Variants in ZNF37A observed in about 807,000 individuals in gnomAD.
ZNF37A encodes the protein zinc finger protein 37a (KOX 21).
ZNF37A carries 10 observed loss-of-function variants against 12.3 expected under a neutral mutation model. The observed-to-expected ratio is 0.82, with a 90% CI of 0.50 to 1.38. ZNF37A has a LOEUF of 1.38. ZNF37A is among the 40% of genes most tolerant of loss of function. ZNF37A has a pLI of 0.00. For missense variants in ZNF37A, 580 were observed against 651.2 expected (o/e 0.89, Z 1.19); for synonymous variants, 207 against 223.0 (o/e 0.93, Z 0.64).
chr10:38,105,007 CT>C (rs386371223), intron 5 of ZNF37A, among the ~76,000 whole-genome samples: 3,983 of 139,474 alleles, frequency 0.029, 87 homozygotes, highest in African/African-American at 0.075. Context: ...AATATTTTTT[CT>C]TTTTTTTTTT....
intron 5 of ZNF37A, among the ~76,000 whole-genome samples, chr10:38,109,934 T>G (rs2068489402): frequency 6.6e-6 from 1 of 152,156 alleles, no homozygotes; most frequent in Non-Finnish European, 1.5e-5. Flanking sequence ...AATTTATAGA[T>G]TCAAGCTATC....
intron 7 of ZNF37A, among the ~76,000 whole-genome samples, chr10:38,131,442 G>A (rs12247832): frequency 0.029 from 4,376 of 152,162 alleles, 121 homozygotes; most frequent in African/African-American, 0.077. Flanking sequence ...GTTTTTTGAA[G>A]ACTATCATTT....
In ZNF37A at chr10:38,102,081, C is replaced by T. The variant is rs550162686; in HGVS notation, c.15+5449C>T. On this transcript the variant is annotated intron_variant, in intron 5 of 7. Coordinates refer to ENST00000685332, the MANE Select transcript of ZNF37A (RefSeq NM_001324250.3). The stretch of plus-strand genomic sequence containing the variant: ...CAAACTCCTGACCTCGTGATCTGCC[C>T]GCCTTGGCCTCCCAAAGTGCTGGGA... 1.6e-4 allele frequency among the ~76,000 whole-genome samples: 25 copies of T among 152,050 alleles called. No individual in the cohort carries two copies. The East Asian group carries it at 2.9e-3, about 18-fold the overall frequency.
intron 5 of ZNF37A, among the ~76,000 whole-genome samples, chr10:38,107,455 C>G (rs1174144549): frequency 1.3e-5 from 2 of 152,082 alleles, no homozygotes; most frequent in African/African-American, 4.8e-5. Flanking sequence ...AACTAATGGG[C>G]AAAATAACCA....
At chr10:38,127,573 A>T (rs1418511513), downstream of ZNF37A, among the ~76,000 whole-genome samples, 3 of 152,284 alleles carry the variant, frequency 2.0e-5, no homozygotes, top group Non-Finnish European at 4.4e-5. Flanking sequence ...TATGATGAGT[A>T]GTTGCAAGGG....
downstream of ZNF37A, among the ~76,000 whole-genome samples, chr10:38,129,319 A>AAAAAAAAAAACAACAAC: frequency 5.2e-5 from 6 of 116,228 alleles, no homozygotes; most frequent in East Asian, 7.9e-4. Flanking sequence ...AAAAAAAAAA[A>AAAAAAAAAAACAACAAC]AAACTATTAT....
Position 38,114,792 on chromosome 10 carries a change from C to T in ZNF37A, c.53C>T (p.Thr18Ile), listed in dbSNP as rs1220120735. The T allele has an allele frequency of 6.2e-7, 1 of 1,613,942 alleles. No individual in the cohort carries two copies. The highest frequency in any genetic ancestry group is 2.2e-5 in the East Asian group (1 of 44,848). Residue 18 changes from threonine (T) to isoleucine (I), a missense_variant, in exon 6 of 8, where the codon ACT becomes ATT. Transcript: ENST00000685332. The part of the protein sequence containing the change: ...VSFRDVTVGF[T>I]QEEWQHLDPA... ...TTTAGGGATGTGACTGTGGGCTTCA[C>T]TCAAGAGGAGTGGCAGCATCTGGAC...
rs2069520355 is a variant in ZNF37A at position 38,118,914 on chromosome 10, C to T, written c.*77C>T. Reference sequence around the variant, plus strand: ...TATAATGATAATGAGAACACCTTTGCCCTGAAGTCAGTTCTCACAGTATAG... The same window carrying T: ...TATAATGATAATGAGAACACCTTTGTCCTGAAGTCAGTTCTCACAGTATAG... On this transcript the variant is annotated 3_prime_UTR_variant, in exon 8 of 8. Coordinates refer to ENST00000685332, the MANE Select transcript of ZNF37A (RefSeq NM_001324250.3). 6.7e-7 allele frequency: 1 copy of T among 1,485,746 alleles called. No homozygotes were observed. The highest frequency in any genetic ancestry group is 8.9e-7 in the Non-Finnish European group (1 of 1,121,122). 92.0% of individuals were successfully genotyped at this position (1,485,746 alleles called of 1,614,324 possible).
At position 38,124,251 on chromosome 10, in the gene ZNF37A, G is replaced by GT. The variant is rs1301305016; in HGVS notation, c.*5415dup. The GT allele has an allele frequency of 6.6e-6, 1 of 152,054 alleles. No homozygotes were observed. The highest frequency in any genetic ancestry group is 1.9e-4 in the East Asian group (1 of 5,194). The allele number at this position is 152,054 out of a possible 1,614,324, so 9.4% of individuals were successfully genotyped here. On this transcript the variant is annotated 3_prime_UTR_variant, in exon 8 of 8. Coordinates refer to ENST00000685332, the MANE Select transcript of ZNF37A (RefSeq NM_001324250.3). Reference sequence around the variant, plus strand: ...AGCAAGACAGACATCATGTTCTGACGTATTTGTTGGAGCTAAAGATGAAAA... The same window carrying GT: ...AGCAAGACAGACATCATGTTCTGACGTTATTTGTTGGAGCTAAAGATGAAAA...
downstream of ZNF37A, among the ~76,000 whole-genome samples, chr10:38,129,662 G>A (rs1003201583): frequency 1.3e-5 from 2 of 152,042 alleles, no homozygotes; most frequent in African/African-American, 4.8e-5. Flanking sequence ...ATGTTTCTAT[G>A]CATCTCATAA....
intron 7 of ZNF37A, among the ~76,000 whole-genome samples, chr10:38,132,671 A>G (rs2070045364): frequency 6.6e-6 from 1 of 152,146 alleles, no homozygotes; most frequent in South Asian, 2.1e-4. Flanking sequence ...CCATGTTTAT[A>G]TGGGCCAGAT....
Position 38,119,000 on chromosome 10 carries a change from T to C in ZNF37A, c.*163T>C. 7.5e-7 allele frequency: 1 copy of C among 1,334,426 alleles called. No homozygotes were observed. The allele number at this position is 1,334,426 out of a possible 1,614,324, so 82.7% of individuals were successfully genotyped here. A position where few individuals can be genotyped will look rare whatever the true frequency, so the allele number is the denominator to read the frequency against. On this transcript the variant is annotated 3_prime_UTR_variant, in exon 8 of 8. Coordinates refer to ENST00000685332, the MANE Select transcript of ZNF37A (RefSeq NM_001324250.3). The stretch of plus-strand genomic sequence containing the variant: ...TAGGGAATGCAGGAAAACATTATTC[T>C]GGAATTTGGACCATACACTATGTTA...
intron 5 of ZNF37A, 60 bp downstream of exon 5, chr10:38,096,692 T>C: frequency 6.6e-7 from 1 of 1,508,858 alleles, no homozygotes. Context: ...TTAAAAAATG[T>C]CTATACATTC....
At chr10:38,127,943 G>A (rs1452280548), downstream of ZNF37A, among the ~76,000 whole-genome samples, 1 of 152,130 alleles carries the variant, frequency 6.6e-6, no homozygotes, top group African/African-American at 2.4e-5. Context: ...TTTAATACTT[G>A]GTATAATTCT....
chr10:38,146,790 G>A (rs773608842), exon 8 of ZNF37A: 123 of 398,330 alleles, frequency 3.1e-4, no homozygotes, highest in Non-Finnish European at 4.4e-4. Flanking sequence ...AGACCAGCTC[G>A]GTCGTGGAGA....
intron 7 of ZNF37A, among the ~76,000 whole-genome samples, chr10:38,145,313 A>G (rs2070237580): frequency 6.6e-6 from 1 of 152,244 alleles, no homozygotes; most frequent in Non-Finnish European, 1.5e-5. Flanking sequence ...AGTCACTAAT[A>G]TAATTTGAAA....
Position 38,119,128 on chromosome 10 carries a change from C to G in ZNF37A, c.*291C>G. 9.3e-7 allele frequency: 1 copy of G among 1,078,726 alleles called. No homozygotes were observed. The highest frequency in any genetic ancestry group is 1.7e-5 in the African/African-American group (1 of 60,182). The allele number at this position is 1,078,726 out of a possible 1,614,324, so 66.8% of individuals were successfully genotyped here. A position where few individuals can be genotyped will look rare whatever the true frequency, so the allele number is the denominator to read the frequency against. The stretch of plus-strand genomic sequence containing the variant: ...TCAGAGAATTCACACGGGGTGAAAC[C>G]TGGGTCAGCATCCCTAGGTTGAGAA... On this transcript the variant is annotated 3_prime_UTR_variant, in exon 8 of 8. Coordinates refer to ENST00000685332, the MANE Select transcript of ZNF37A (RefSeq NM_001324250.3).
At chr10:38,129,700 G>A (rs1203421474), downstream of ZNF37A, among the ~76,000 whole-genome samples, 1 of 152,064 alleles carries the variant, frequency 6.6e-6, no homozygotes, top group Non-Finnish European at 1.5e-5. Context: ...TCATGTATTA[G>A]GTTTATCATT....
chr10:38,112,734 TCTTTTCTTTTC>T lies in ZNF37A; in HGVS notation c.16-2020_16-2010del, dbSNP rs1411357364. Among the ~76,000 whole-genome samples, 253 of 49,882 alleles carry T rather than the reference TCTTTTCTTTTC, an allele frequency of 5.1e-3. 53 individuals carry two copies. Among genetic ancestry groups the T allele is most frequent in the East Asian group, 0.013 (24 of 1,874 alleles). 32.7% of individuals were successfully genotyped at this position (49,882 alleles called of 152,430 possible). Reference sequence around the variant, plus strand: ...ACAATTCTGTATTTTACATCCATTTTCTTTTCTTTTCTTTTCTTTTCTTTTCTTTTCTTTTC... The same window carrying T: ...ACAATTCTGTATTTTACATCCATTTTTTTTCTTTTCTTTTCTTTTCTTTTC... On this transcript the variant is annotated intron_variant, in intron 5 of 7. Transcript: ENST00000685332.
Sources: allele counts gnomAD v4.1 joint callset (sites outside exome capture counted in the v4.1 genomes callset), GRCh38; gene constraint gnomAD v4.1.1; transcripts MANE v1.5; gene names NCBI Gene and HGNC (gene_info 2026-07-23, HGNC 2026-07-21).